Variants in NXPH1 observed in about 807,000 individuals in gnomAD.
NXPH1 encodes the protein neurexophilin-1.
Under a neutral mutation model 23.7 loss-of-function variants are expected in NXPH1, and 5 were observed. The observed-to-expected ratio is 0.21, with a 90% CI of 0.11 to 0.44. The LOEUF (loss-of-function observed/expected upper bound fraction) is 0.44, where lower values mean the gene tolerates loss of function less well. Ranked by LOEUF, NXPH1 falls within the 20% of genes least tolerant of loss-of-function variation. The pLI is 0.99. For synonymous variants in NXPH1, 144 were observed against 122.2 expected (o/e 1.18, Z -1.18); for missense variants, 324 against 321.6 (o/e 1.01, Z -0.06).
At chr7:8,602,272 C>A (rs886469781) in intron 2 of NXPH1, among the ~76,000 whole-genome samples, 1 of 151,404 alleles carries the variant, frequency 6.6e-6, no homozygotes, top group East Asian at 1.9e-4. Context: ...CCAAATTTTT[C>A]TTCCTTCATT....
intron 2 of NXPH1, among the ~76,000 whole-genome samples, chr7:8,611,279 A>C (rs564856979): frequency 6.6e-6 from 1 of 152,078 alleles, no homozygotes; most frequent in Non-Finnish European, 1.5e-5. Context: ...CTTACCCCCA[A>C]GTTTCTCTCA....
intron 2 of NXPH1, among the ~76,000 whole-genome samples, chr7:8,491,588 T>C (rs1175737274): frequency 2.6e-5 from 4 of 152,034 alleles, no homozygotes; most frequent in African/African-American, 9.7e-5. Flanking sequence ...ATTCAGTTAG[T>C]GTGGCTCATA....
At chr7:8,601,789 G>A (rs570724485) in intron 2 of NXPH1, among the ~76,000 whole-genome samples, 1 of 152,118 alleles carries the variant, frequency 6.6e-6, no homozygotes, top group Non-Finnish European at 1.5e-5. Flanking sequence ...CCAACTGGCT[G>A]TTCTTCCTGT....
chr7:8,497,106 G>T (rs1216718823), intron 2 of NXPH1, among the ~76,000 whole-genome samples: 2 of 152,122 alleles, frequency 1.3e-5, no homozygotes, highest in Non-Finnish European at 2.9e-5. Context: ...GTGAGAACGT[G>T]CAGTGTTTGG....
intron 2 of NXPH1, among the ~76,000 whole-genome samples, chr7:8,653,814 A>G (rs1400630751): frequency 6.6e-6 from 1 of 152,188 alleles, no homozygotes; most frequent in African/African-American, 2.4e-5. Flanking sequence ...AACATGATAT[A>G]CCATTGGACT....
chr7:8,599,512 A>G (rs1819306345), intron 2 of NXPH1, among the ~76,000 whole-genome samples: 1 of 152,148 alleles, frequency 6.6e-6, no homozygotes, highest in African/African-American at 2.4e-5. Context: ...ATGATCTGGT[A>G]GGCACCTATG....
chr7:8,724,660 C>T (rs1780020149), intron 2 of NXPH1, among the ~76,000 whole-genome samples: 1 of 152,086 alleles, frequency 6.6e-6, no homozygotes, highest in Admixed American at 6.5e-5. Flanking sequence ...TGTATGAATA[C>T]CCTTCTTTGA....
intron 2 of NXPH1, among the ~76,000 whole-genome samples, chr7:8,613,094 C>T (rs1036283194): frequency 4.6e-5 from 7 of 152,004 alleles, no homozygotes; most frequent in African/African-American, 1.4e-4. Context: ...ATTTACATAA[C>T]CATGTTTGAG....
intron 2 of NXPH1, among the ~76,000 whole-genome samples, chr7:8,443,893 C>T (rs1396764809): frequency 6.6e-6 from 1 of 152,164 alleles, no homozygotes; most frequent in Non-Finnish European, 1.5e-5. Context: ...TACAAACACT[C>T]ATTCTCACAC....
intron 2 of NXPH1, among the ~76,000 whole-genome samples, chr7:8,702,379 T>G (rs913988228): frequency 6.6e-6 from 1 of 152,132 alleles, no homozygotes; most frequent in African/African-American, 2.4e-5. Context: ...TATGTTTCAC[T>G]TATTCAAACC....
At chr7:8,495,893 G>T (rs887948591) in intron 2 of NXPH1, among the ~76,000 whole-genome samples, 1 of 152,018 alleles carries the variant, frequency 6.6e-6, no homozygotes, top group Non-Finnish European at 1.5e-5. Context: ...AGTGGGGCAG[G>T]CAAAGCATGT....
At position 8,748,188 on chromosome 7, in the gene NXPH1, C is replaced by T. The variant is rs369382942; in HGVS notation, c.55-2820C>T. Among the ~76,000 whole-genome samples, 13 of 152,184 alleles carry T rather than the reference C, an allele frequency of 8.5e-5. No homozygotes were observed. The East Asian group carries it at 1.7e-3, about 20-fold the overall frequency. On this transcript the variant is annotated intron_variant, in intron 2 of 2. Transcript: ENST00000405863. ...TTAAAAATTACTTGTGCTAAAGCAA[C>T]GATTTTGCTGTTATTAGTCATTTCT... is the stretch of plus-strand genomic sequence containing the variant.
chr7:8,521,166 G>GAATAAGAAAAAA (rs1309008700), intron 2 of NXPH1, among the ~76,000 whole-genome samples: 7 of 152,144 alleles, frequency 4.6e-5, no homozygotes, highest in African/African-American at 1.4e-4. Context: ...TGGATATGAT[G>GAATAAGAAAAAA]AATGTTTTGC....
chr7:8,481,488 A>T (rs1817072042), intron 2 of NXPH1, among the ~76,000 whole-genome samples: 1 of 152,172 alleles, frequency 6.6e-6, no homozygotes, highest in Admixed American at 6.5e-5. Flanking sequence ...TAAAACACAG[A>T]GGTCAGAAGT....
At chr7:8,677,365 A>T (rs968252644) in intron 2 of NXPH1, among the ~76,000 whole-genome samples, 1 of 152,244 alleles carries the variant, frequency 6.6e-6, no homozygotes, top group Non-Finnish European at 1.5e-5. Flanking sequence ...AATGTGAATA[A>T]AGAAATAATG....
At chr7:8,702,965 G>C (rs1779649156) in intron 2 of NXPH1, among the ~76,000 whole-genome samples, 1 of 152,062 alleles carries the variant, frequency 6.6e-6, no homozygotes, top group Non-Finnish European at 1.5e-5. Context: ...GATTTGCAGG[G>C]TCCTGCTCTC....
At position 8,678,928 on chromosome 7, in the gene NXPH1, A is replaced by ATT. The variant is rs540056222; in HGVS notation, c.55-72046_55-72045dup. On this transcript the variant is annotated intron_variant, in intron 2 of 2. Coordinates refer to ENST00000405863, the MANE Select transcript of NXPH1 (RefSeq NM_152745.3). ...TCTAGATTTATCTTTGCTTTATCCA[A>ATT]TTTTTTTTTTTTTTTTTTTTTTTTT... is the stretch of plus-strand genomic sequence containing the variant. 3.9e-3 allele frequency among the ~76,000 whole-genome samples: 271 copies of ATT among 68,724 alleles called. 47 individuals are homozygous for ATT. Among genetic ancestry groups the ATT allele is most frequent in the African/African-American group, 0.011 (150 of 13,518 alleles). The allele number at this position is 68,724 out of a possible 152,430, so 45.1% of individuals were successfully genotyped here.
At chr7:8,540,946 A>G (rs936988790) in intron 2 of NXPH1, among the ~76,000 whole-genome samples, 5 of 151,754 alleles carry the variant, frequency 3.3e-5, no homozygotes, top group African/African-American at 9.7e-5. Flanking sequence ...CTAAGTAACA[A>G]CTCTTCCAGA....
At chr7:8,742,537 A>G (rs905314808) in intron 2 of NXPH1, among the ~76,000 whole-genome samples, 1 of 144,064 alleles carries the variant, frequency 6.9e-6, no homozygotes, top group African/African-American at 2.4e-5. Flanking sequence ...ATCTGAATAT[A>G]CTAGCTGAGA....
Sources: allele counts gnomAD v4.1 joint callset (sites outside exome capture counted in the v4.1 genomes callset), GRCh38; gene constraint gnomAD v4.1.1; transcripts MANE v1.5; gene names NCBI Gene and HGNC (gene_info 2026-07-23, HGNC 2026-07-21).